The following MACROD2 variants were observed in gnomAD, a reference collection of about 807,000 sequenced individuals.
MACROD2 encodes the protein ADP-ribose glycohydrolase MACROD2.
Under a neutral mutation model 70.4 loss-of-function variants are expected in MACROD2, and 36 were observed. The observed-to-expected ratio is 0.51, with a 90% CI of 0.39 to 0.68. The LOEUF is 0.68. MACROD2 is among the 30% of genes least tolerant of loss of function. The pLI, the probability that MACROD2 is intolerant of heterozygous loss-of-function variation, is 0.00. For missense variants in MACROD2, 496 were observed against 538.4 expected (o/e 0.92, Z 0.78); for synonymous variants, 172 against 178.8 (o/e 0.96, Z 0.30).
At chr20:14,649,274 G>C (rs1488854340) in intron 4 of MACROD2, among the ~76,000 whole-genome samples, 4 of 152,304 alleles carry the variant, frequency 2.6e-5, no homozygotes, top group Admixed American at 6.5e-5. Context: ...AAGAGTTTTA[G>C]AGATTAATGA....
intron 2 of MACROD2, among the ~76,000 whole-genome samples, chr20:14,046,715 T>A (rs1024633557): frequency 6.9e-6 from 1 of 145,788 alleles, no homozygotes; most frequent in African/African-American, 2.5e-5. Context: ...AAGCATTCTC[T>A]TTTATTTATT....
chr20:14,821,557 A>G, intron 5 of MACROD2, among the ~76,000 whole-genome samples: 1 of 152,102 alleles, frequency 6.6e-6, no homozygotes, highest in Non-Finnish European at 1.5e-5. Flanking sequence ...ACTCGCTCTC[A>G]TCATGTGTAC....
chr20:15,424,793 C>A (rs1431375675), intron 6 of MACROD2, among the ~76,000 whole-genome samples: 1 of 152,166 alleles, frequency 6.6e-6, no homozygotes, highest in African/African-American at 2.4e-5. Flanking sequence ...TTCTCATATT[C>A]TAACTTACTT....
intron 8 of MACROD2, among the ~76,000 whole-genome samples, chr20:15,592,598 C>T (rs2048693903): frequency 6.6e-6 from 1 of 152,228 alleles, no homozygotes; most frequent in African/African-American, 2.4e-5. Flanking sequence ...CTTGCAGAAG[C>T]TCTCAGTAAT....
At chr20:15,171,197 A>G (rs973614080) in intron 5 of MACROD2, among the ~76,000 whole-genome samples, 1 of 151,822 alleles carries the variant, frequency 6.6e-6, no homozygotes, top group South Asian at 2.1e-4. Context: ...TTTCATCATC[A>G]TGGTCTCTGT....
At chr20:15,257,519 C>A (rs2077209939) in intron 6 of MACROD2, among the ~76,000 whole-genome samples, 1 of 151,948 alleles carries the variant, frequency 6.6e-6, no homozygotes, top group African/African-American at 2.4e-5. Context: ...ATATGGTAAG[C>A]AATAGAAGTG....
At chr20:14,908,148 A>G (rs1288653592) in intron 5 of MACROD2, among the ~76,000 whole-genome samples, 1 of 151,996 alleles carries the variant, frequency 6.6e-6, no homozygotes, top group Non-Finnish European at 1.5e-5. Context: ...ATTCGAGACC[A>G]GTCTGGCCAA....
intron 5 of MACROD2, among the ~76,000 whole-genome samples, chr20:14,753,720 C>T (rs2071904607): frequency 6.6e-6 from 1 of 152,068 alleles, no homozygotes; most frequent in Non-Finnish European, 1.5e-5. Flanking sequence ...TATCGCTAGG[C>T]AGTTGCTTTA....
rs373094552 is a variant in MACROD2, at chr20:14,042,746, C to T, written c.163+40342C>T. 6.2e-4 allele frequency among the ~76,000 whole-genome samples: 94 copies of T among 152,140 alleles called. No individual in the cohort carries two copies. The Middle Eastern group carries it at 0.01, about 17-fold the overall frequency. ...AACTCCTGACCTCAAGTGATCTGCC[C>T]GCCTTGGCCTCCCAAAGTGTTGAGA... On this transcript the variant is annotated intron_variant, in intron 2 of 17. Coordinates refer to ENST00000684519, the MANE Select transcript of MACROD2 (RefSeq NM_001351661.2).
At chr20:14,536,649 G>GTGTGTT in intron 4 of MACROD2, among the ~76,000 whole-genome samples, 1 of 148,434 alleles carries the variant, frequency 6.7e-6, no homozygotes, top group Non-Finnish European at 1.5e-5. Context: ...GTGTGTGTGT[G>GTGTGTT]TGTGTGTGTG....
chr20:14,073,883 T>C (rs924824518), intron 2 of MACROD2, among the ~76,000 whole-genome samples: 2 of 152,234 alleles, frequency 1.3e-5, no homozygotes, highest in Non-Finnish European at 2.9e-5. Flanking sequence ...GACTGTCTCT[T>C]TAACCAAACT....
At chr20:15,490,177 T>C (rs1328525557) in intron 7 of MACROD2, among the ~76,000 whole-genome samples, 1 of 148,772 alleles carries the variant, frequency 6.7e-6, no homozygotes, top group African/African-American at 2.5e-5. Flanking sequence ...CTCCTTTCCT[T>C]CCTTCCTTCC....
chr20:15,222,923 A>G (rs1247339280), intron 5 of MACROD2, among the ~76,000 whole-genome samples: 1 of 152,206 alleles, frequency 6.6e-6, no homozygotes, highest in Non-Finnish European at 1.5e-5. Context: ...CATTTCAATC[A>G]CATATTTTTC....
intron 6 of MACROD2, among the ~76,000 whole-genome samples, chr20:15,265,471 C>G (rs1474984482): frequency 1.3e-5 from 2 of 152,196 alleles, no homozygotes; most frequent in Non-Finnish European, 2.9e-5. Context: ...GCTGCCCTTT[C>G]TTGGCAATTC....
At chr20:14,206,198 G>T (rs546085464) in intron 3 of MACROD2, among the ~76,000 whole-genome samples, 3 of 152,278 alleles carry the variant, frequency 2.0e-5, no homozygotes, top group South Asian at 2.1e-4. Context: ...TCACAACAAA[G>T]AATTATCCAG....
chr20:15,370,989 C>A (rs1241533995), intron 6 of MACROD2, among the ~76,000 whole-genome samples: 1 of 152,090 alleles, frequency 6.6e-6, no homozygotes, highest in Non-Finnish European at 1.5e-5. Context: ...TTTTGTTAGA[C>A]TTAATAGTGT....
intron 5 of MACROD2, among the ~76,000 whole-genome samples, chr20:14,784,873 A>C (rs1053108271): frequency 7.9e-5 from 12 of 152,186 alleles, no homozygotes; most frequent in African/African-American, 2.9e-4. Flanking sequence ...GGCATCAAGC[A>C]GTCGGGAAAT....
intron 6 of MACROD2, among the ~76,000 whole-genome samples, chr20:15,283,198 G>A (rs2077461376): frequency 6.6e-6 from 1 of 152,080 alleles, no homozygotes; most frequent in South Asian, 2.1e-4. Flanking sequence ...GATTTGGGTG[G>A]GGACACAGAG....
chr20:15,932,016 C>T (rs1315848751), intron 10 of MACROD2, among the ~76,000 whole-genome samples: 1 of 152,128 alleles, frequency 6.6e-6, no homozygotes, highest in African/African-American at 2.4e-5. Flanking sequence ...TCAAGCAAGA[C>T]AACGTTAAGT....
Sources: gnomAD v4.1 joint callset for allele counts (sites outside exome capture counted in the v4.1 genomes callset) on GRCh38, gnomAD v4.1.1 for gene constraint, MANE v1.5 for transcripts, NCBI Gene and HGNC (gene_info 2026-07-23, HGNC 2026-07-21) for gene names.